The following ADGRG2 variants were observed in gnomAD, a reference collection of about 807,000 sequenced individuals.
The protein encoded by ADGRG2 is G protein-coupled receptor 64.
ADGRG2 carries 26 observed loss-of-function variants against 74.1 expected under a neutral mutation model. The ratio of observed to expected loss-of-function variants is 0.35; its 90% confidence interval spans 0.26 to 0.49. The LOEUF (loss-of-function observed/expected upper bound fraction) is 0.49, where lower values mean the gene tolerates loss of function less well. Among genes scored for constraint, ADGRG2 ranks in the 20% least tolerant of loss-of-function variants. The pLI, the probability that ADGRG2 is intolerant of heterozygous loss-of-function variation, is 0.99. For missense variants in ADGRG2, 619 were observed against 763.1 expected, an observed-to-expected ratio of 0.81 and a Z score of 2.22; for synonymous variants, 296 against 295.2, an observed-to-expected ratio of 1.00 and a Z score of -0.03.
intron 3 of ADGRG2, among the ~76,000 whole-genome samples, chrX:19,061,278 C>G (rs1040814471): frequency 4.5e-5 from 5 of 111,733 alleles, no homozygotes; most frequent in African/African-American, 1.6e-4. Context: ...AGGCTTTAGA[C>G]TAGGGTCACA....
At chrX:18,992,321 G>A (rs747351416) in intron 28 of ADGRG2, among the ~76,000 whole-genome samples, 12 of 112,420 alleles carry the variant, frequency 1.1e-4, no homozygotes, top group Non-Finnish European at 2.1e-4. Context: ...ACGGAGTCTC[G>A]TTCTGTCGCC....
chrX:19,006,335 G>A (rs2060230735), intron 20 of ADGRG2, 70 bp from the exon 21 acceptor site: 6 of 732,135 alleles, frequency 8.2e-6, no homozygotes, highest in East Asian at 3.2e-5. Flanking sequence ...AAACTGAAAG[G>A]TATTTGAAAA....
At chrX:19,103,229 A>G (rs1216741247) in intron 1 of ADGRG2, among the ~76,000 whole-genome samples, 2 of 111,556 alleles carry the variant, frequency 1.8e-5, no homozygotes, top group Non-Finnish European at 3.8e-5. Context: ...GCTAATTATA[A>G]TGCATTAGCA....
intron 3 of ADGRG2, among the ~76,000 whole-genome samples, chrX:19,040,571 T>G (rs1271260556): frequency 1.8e-5 from 2 of 112,412 alleles, no homozygotes; most frequent in Non-Finnish European, 3.8e-5. Flanking sequence ...TATGTTAATT[T>G]ACTATTATTT....
chrX:19,033,750 A>G (rs767133463), intron 7 of ADGRG2, 96 bp from the exon 8 acceptor site: 1 of 451,693 alleles, frequency 2.2e-6, no homozygotes, highest in South Asian at 3.3e-5. Context: ...GCTAAAAAAA[A>G]AGTCACACTG....
chrX:19,030,822 A>T (rs2060809954), intron 9 of ADGRG2, among the ~76,000 whole-genome samples, 162 bp downstream of exon 9: 1 of 112,032 alleles, frequency 8.9e-6, no homozygotes, highest in Non-Finnish European at 1.9e-5. Context: ...AGCCAGATAT[A>T]AAATTTGCTT....
chrX:19,007,469 A>G, intron 19 of ADGRG2, 112 bp from the exon 20 acceptor site: 1 of 707,046 alleles, frequency 1.4e-6, no homozygotes, highest in Non-Finnish European at 2.1e-6. Context: ...TAGGTCAGAA[A>G]TCGAGGGACA....
intron 1 of ADGRG2, among the ~76,000 whole-genome samples, chrX:19,083,506 T>C (rs2061888715): frequency 9.0e-6 from 1 of 111,083 alleles, no homozygotes; most frequent in African/African-American, 3.3e-5. Context: ...AACTCCTTGA[T>C]ATCAAGGATT....
At chrX:19,018,750 A>T (rs1452856366) in intron 15 of ADGRG2, among the ~76,000 whole-genome samples, 1 of 112,516 alleles carries the variant, frequency 8.9e-6, no homozygotes, top group Non-Finnish European at 1.9e-5. Flanking sequence ...GACAAAAAAC[A>T]TGATAAAGTC....
At chrX:19,098,890 G>A (rs1294933457) in intron 1 of ADGRG2, among the ~76,000 whole-genome samples, 1 of 112,418 alleles carries the variant, frequency 8.9e-6, no homozygotes, top group Non-Finnish European at 1.9e-5. Flanking sequence ...TGGGTCAGAA[G>A]AAAATTAAGT....
At chrX:19,121,912 G>A (rs2062615722) in intron 1 of ADGRG2, among the ~76,000 whole-genome samples, 1 of 111,626 alleles carries the variant, frequency 9.0e-6, no homozygotes, top group Admixed American at 9.3e-5. Flanking sequence ...TCACCCCCTG[G>A]CTCCGGGCCG....
At chrX:19,093,558 C>T (rs7878029) in intron 1 of ADGRG2, among the ~76,000 whole-genome samples, 4,297 of 111,235 alleles carry the variant, frequency 0.039, 189 homozygotes, top group African/African-American at 0.13. Flanking sequence ...GGGGAGATGG[C>T]GGGCAGGGAG....
In ADGRG2 at chrX:19,082,725, A is replaced by G. The variant is rs182658015; in HGVS notation, c.-25T>C. On this transcript the variant is annotated 5_prime_UTR_variant, in exon 2 of 29. Transcript: ENST00000379869. ...ACCTGACCGCGAGTTCAGAAAACAAAGTGGAGAACCTCTGTGCACACCTGA... is the reference window on the plus strand; with the variant it reads ...ACCTGACCGCGAGTTCAGAAAACAAGGTGGAGAACCTCTGTGCACACCTGA... The G allele has an allele frequency of 6.0e-4, 67 of 112,517 alleles. No homozygotes were observed. Among genetic ancestry groups the G allele is most frequent in the African/African-American group, 2.1e-3 (66 of 30,926 alleles). 9.3% of individuals were successfully genotyped at this position (112,517 alleles called of 1,213,427 possible).
At chrX:19,089,309 A>G (rs1457075105) in intron 1 of ADGRG2, among the ~76,000 whole-genome samples, 1 of 110,987 alleles carries the variant, frequency 9.0e-6, no homozygotes, top group Non-Finnish European at 1.9e-5. Context: ...GAGGAGGGAG[A>G]GGATCAGGAA....
chrX:19,046,370 G>A (rs1433500210), intron 3 of ADGRG2, among the ~76,000 whole-genome samples: 1 of 112,089 alleles, frequency 8.9e-6, no homozygotes, highest in African/African-American at 3.2e-5. Context: ...AGTATTCATT[G>A]ACTACGCCCT....
At chrX:19,008,222 G>A in intron 18 of ADGRG2, 99 bp from the exon 19 acceptor site, 1 of 561,852 alleles carries the variant, frequency 1.8e-6, no homozygotes, top group Non-Finnish European at 2.7e-6. Context: ...TGCAGTATGT[G>A]CCATTTTTTT....
At chrX:19,120,075 A>G (rs1208770981) in intron 1 of ADGRG2, among the ~76,000 whole-genome samples, 7 of 111,891 alleles carry the variant, frequency 6.3e-5, no homozygotes, top group Non-Finnish European at 1.3e-4. Flanking sequence ...GTAGCTAAAT[A>G]TGCTCTATCC....
chrX:19,038,428 C>A (rs2060987870), intron 4 of ADGRG2, among the ~76,000 whole-genome samples: 1 of 111,849 alleles, frequency 8.9e-6, no homozygotes, highest in Admixed American at 9.5e-5. Flanking sequence ...ACACACACAC[C>A]CTGTCTGTCC....
chrX:19,032,742 T>C (rs2060852273), intron 8 of ADGRG2: 1 of 111,443 alleles, frequency 9.0e-6, no homozygotes. Flanking sequence ...AAAATAGCTA[T>C]AGAGAATATG....
Sources: gnomAD v4.1 joint callset for allele counts (sites outside exome capture counted in the v4.1 genomes callset) on GRCh38, gnomAD v4.1.1 for gene constraint, MANE v1.5 for transcripts, NCBI Gene and HGNC (gene_info 2026-07-23, HGNC 2026-07-21) for gene names.